XPO6: variants seen among roughly 807,000 people sequenced by gnomAD.
XPO6 encodes the protein exportin 6, also known as exportin-6.
A neutral mutation model predicts 130.0 loss-of-function variants in XPO6; 3 were observed. The observed-to-expected ratio is 0.02, with a 90% CI of 0.01 to 0.06. The LOEUF (loss-of-function observed/expected upper bound fraction) is 0.06. Ranked by LOEUF, XPO6 falls within the 10% of genes least tolerant of loss-of-function variation. The pLI is 1.00. For synonymous variants in XPO6, 524 were observed against 548.9 expected (o/e 0.95, Z 0.63); for missense variants, 970 against 1,393.0 (o/e 0.70, Z 4.83).
Position 28,145,778 on chromosome 16 carries a change from C to G in XPO6, c.1334+316G>C, listed in dbSNP as rs116101216. On this transcript the variant is annotated intron_variant, in intron 9 of 23. Coordinates refer to ENST00000304658, the MANE Select transcript of XPO6 (RefSeq NM_015171.4). ...CCCCCACTGGGTTATTTAAGCAAAT[C>G]CCAGATGTCATATCATTTTATCCAA... Among the ~76,000 whole-genome samples the G allele has an allele frequency of 4.5e-3, 686 of 152,204 alleles. 6 individuals carry two copies. The highest frequency in any genetic ancestry group is 0.016 in the African/African-American group (666 of 41,528).
At chr16:28,185,857 CT>C (rs1364573954) in intron 1 of XPO6, among the ~76,000 whole-genome samples, 1 of 152,210 alleles carries the variant, frequency 6.6e-6, no homozygotes, top group African/African-American at 2.4e-5. Context: ...TTAAGCTTGG[CT>C]CAGAATATAC....
At chr16:28,176,678 T>C (rs2141863740) in intron 3 of XPO6, among the ~76,000 whole-genome samples, 1 of 151,484 alleles carries the variant, frequency 6.6e-6, no homozygotes, top group East Asian at 1.9e-4. Flanking sequence ...TTTTTTTTTT[T>C]TTTGCATTTT....
intron 3 of XPO6, among the ~76,000 whole-genome samples, chr16:28,176,388 C>T (rs763957318): frequency 1.3e-4 from 19 of 151,988 alleles, no homozygotes; most frequent in Non-Finnish European, 2.4e-4. Flanking sequence ...CTTCAATGTT[C>T]AAAAACAGGA....
chr16:28,110,596 A>G (rs2086893938), intron 17 of XPO6, among the ~76,000 whole-genome samples: 1 of 152,212 alleles, frequency 6.6e-6, no homozygotes, highest in Non-Finnish European at 1.5e-5. Flanking sequence ...CATAACTCCC[A>G]TGTAAGATAA....
chr16:28,098,231 T>G lies in XPO6; in HGVS notation c.*307A>C, dbSNP rs1476675758. 1 of 274,696 alleles carries G rather than the reference T, an allele frequency of 3.6e-6. No individual in the cohort carries two copies. Among genetic ancestry groups the G allele is most frequent in the Non-Finnish European group, 6.9e-6 (1 of 144,370 alleles). 17.0% of individuals were successfully genotyped at this position (274,696 alleles called of 1,614,324 possible). On this transcript the variant is annotated 3_prime_UTR_variant, in exon 24 of 24. Coordinates refer to ENST00000304658, the MANE Select transcript of XPO6 (RefSeq NM_015171.4). ...AGCTGTCCTTGGCAATTCTGCCCCATGAGCCACGTGCGCCTGGTCTGCATG... is the reference window on the plus strand; with the variant it reads ...AGCTGTCCTTGGCAATTCTGCCCCAGGAGCCACGTGCGCCTGGTCTGCATG...
chr16:28,183,836 G>C (rs994215846), intron 1 of XPO6, among the ~76,000 whole-genome samples: 2 of 152,162 alleles, frequency 1.3e-5, no homozygotes, highest in African/African-American at 4.8e-5. Flanking sequence ...TTTCAGACTA[G>C]ATTTCAAAAT....
At chr16:28,183,990 GT>G (rs780104732) in intron 1 of XPO6, among the ~76,000 whole-genome samples, 24 of 152,176 alleles carry the variant, frequency 1.6e-4, no homozygotes, top group Non-Finnish European at 2.9e-4. Context: ...CCTGGCTCCC[GT>G]TTGGCAACAA....
intron 6 of XPO6, among the ~76,000 whole-genome samples, chr16:28,164,423 A>C (rs1283313131): frequency 1.3e-5 from 2 of 152,226 alleles, no homozygotes. Flanking sequence ...TAATGACTTC[A>C]CTTACATTAC....
intron 14 of XPO6, among the ~76,000 whole-genome samples, chr16:28,119,772 ATAGT>A (rs2087180162): frequency 6.6e-6 from 1 of 152,256 alleles, no homozygotes; most frequent in Non-Finnish European, 1.5e-5. Context: ...TAATGATATC[ATAGT>A]TAAAGAGCTG....
chr16:28,149,058 T>TAAAAAAAAAAAAAAAAAAAAAAGAAAAA (rs71389526), intron 8 of XPO6, among the ~76,000 whole-genome samples: 1 of 107,122 alleles, frequency 9.3e-6, no homozygotes, highest in Non-Finnish European at 1.9e-5. Flanking sequence ...AAAAAGAAAA[T>TAAAAAAAAAAAAAAAAAAAAAAGAAAAA]AAAAAAAAAA....
chr16:28,201,484 AAGG>A (rs1355471674), intron 1 of XPO6, among the ~76,000 whole-genome samples: 3 of 152,124 alleles, frequency 2.0e-5, no homozygotes, highest in Non-Finnish European at 2.9e-5. Flanking sequence ...TTGGAGTGGG[AAGG>A]AGGAGGAGTG....
intron 8 of XPO6, among the ~76,000 whole-genome samples, chr16:28,152,445 T>C (rs547986803): frequency 6.6e-6 from 1 of 152,240 alleles, no homozygotes; most frequent in Non-Finnish European, 1.5e-5. Flanking sequence ...AGTTACTCTT[T>C]GTGCCTCAGT....
chr16:28,191,992 G>C (rs1486377193), intron 1 of XPO6, among the ~76,000 whole-genome samples: 1 of 152,202 alleles, frequency 6.6e-6, no homozygotes, highest in Non-Finnish European at 1.5e-5. Flanking sequence ...GGGCGCGGTG[G>C]CTCACGCCTG....
chr16:28,116,289 G>A (rs546948493), intron 15 of XPO6, among the ~76,000 whole-genome samples: 27 of 152,122 alleles, frequency 1.8e-4, no homozygotes, highest in Middle Eastern at 3.4e-3. Flanking sequence ...GTGAAACCCC[G>A]TCTCTACAAA....
chr16:28,125,131 G>A (rs995345489), intron 13 of XPO6, among the ~76,000 whole-genome samples: 1 of 152,178 alleles, frequency 6.6e-6, no homozygotes. Flanking sequence ...GAGCCCAGTG[G>A]TGAAAGGCTG....
intron 13 of XPO6, among the ~76,000 whole-genome samples, chr16:28,122,166 G>A (rs376855467): frequency 1.8e-4 from 27 of 152,122 alleles, no homozygotes; most frequent in African/African-American, 6.5e-4. Flanking sequence ...GAAGACAGGC[G>A]GGAAGAAGTG....
chr16:28,201,583 G>A (rs2043953342), intron 1 of XPO6, among the ~76,000 whole-genome samples: 2 of 152,196 alleles, frequency 1.3e-5, no homozygotes, highest in East Asian at 1.9e-4. Flanking sequence ...TTGGCCGGGC[G>A]TGGTGGCTCA....
chr16:28,211,827 G>T lies in XPO6; in HGVS notation c.-459C>A. The T allele has an allele frequency of 4.7e-6, 1 of 212,452 alleles. No individual in the cohort carries two copies. 13.2% of individuals were successfully genotyped at this position (212,452 alleles called of 1,614,324 possible). On this transcript the variant is annotated 5_prime_UTR_variant, in exon 1 of 24. Coordinates refer to ENST00000304658, the MANE Select transcript of XPO6 (RefSeq NM_015171.4). Reference sequence around the variant, plus strand: ...GGCCGGCTCAGGGGAGAGGCCCGGGGGCCCGCGCTGTCCTCGCAGCCTCAA... The same window carrying T: ...GGCCGGCTCAGGGGAGAGGCCCGGGTGCCCGCGCTGTCCTCGCAGCCTCAA...
rs557581969 is a variant in XPO6 at position 28,168,029 on chromosome 16, A to G, written c.566-1444T>C. ...ATTAGATAGCGGTGAAGGTTGCACA[A>G]CCTCAAGAATATACTAAAAGCCGGT... On this transcript the variant is annotated intron_variant, in intron 5 of 23. Transcript: ENST00000304658. Among the ~76,000 whole-genome samples, 4 of 152,284 alleles carry G rather than the reference A, an allele frequency of 2.6e-5. No homozygotes were observed. In the South Asian group the frequency reaches 8.3e-4, roughly 32 times the overall value.
Sources: gnomAD v4.1 joint callset for allele counts (sites outside exome capture counted in the v4.1 genomes callset) on GRCh38, gnomAD v4.1.1 for gene constraint, MANE v1.5 for transcripts, NCBI Gene and HGNC (gene_info 2026-07-23, HGNC 2026-07-21) for gene names.